ALOX5: variants seen among roughly 807,000 people sequenced by gnomAD.
ALOX5 encodes the protein polyunsaturated fatty acid 5-lipoxygenase.
In ALOX5, 64 loss-of-function variants were observed where a neutral mutation model predicts 87.9. That is an observed-to-expected ratio of 0.73 (90% CI 0.60 to 0.90). The LOEUF is 0.90. Among genes scored for constraint, ALOX5 ranks in the 40% least tolerant of loss-of-function variants. ALOX5 has a pLI of 0.00. For missense variants in ALOX5, 822 were observed against 907.5 expected, an observed-to-expected ratio of 0.91 and a Z score of 1.21; for synonymous variants, 388 against 355.1, an observed-to-expected ratio of 1.09 and a Z score of -1.04.
At chr10:45,375,240 C>T (rs892690) in intron 1 of ALOX5, among the ~76,000 whole-genome samples, 46,835 of 152,078 alleles carry the variant, frequency 0.31, 9,032 homozygotes, top group East Asian at 0.51. Context: ...TGTGAGGACG[C>T]GAGGGAGCCC....
intron 4 of ALOX5, among the ~76,000 whole-genome samples, chr10:45,412,881 T>A (rs1841121677): frequency 6.6e-6 from 1 of 152,224 alleles, no homozygotes; most frequent in African/African-American, 2.4e-5. Context: ...CATCCGAATG[T>A]CCGCAGGGCT....
In ALOX5 at chr10:45,428,679, A is replaced by G; in HGVS notation, c.896A>G (p.Asp299Gly). ...LLDGIDANKT[D>G]PCTLQFLAAP... Reference sequence around the variant, plus strand: ...GATGGCATCGATGCCAACAAAACAGACCCCTGCACACTCCAGTTCCTGGCC... The same window carrying G: ...GATGGCATCGATGCCAACAAAACAGGCCCCTGCACACTCCAGTTCCTGGCC... Residue 299 changes from aspartate to glycine, a missense_variant, in exon 7 of 14, where the codon GAC becomes GGC. Coordinates refer to ENST00000374391, the MANE Select transcript of ALOX5 (RefSeq NM_000698.5). 2.5e-6 allele frequency: 4 copies of G among 1,613,930 alleles called. No homozygotes were observed. The highest frequency in any genetic ancestry group is 3.4e-6 in the Non-Finnish European group (4 of 1,179,986).
chr10:45,440,095 C>T (rs1246097164), intron 7 of ALOX5, among the ~76,000 whole-genome samples: 1 of 152,160 alleles, frequency 6.6e-6, no homozygotes, highest in African/African-American at 2.4e-5. Context: ...GCGATCCTCC[C>T]CCTCCGCTGC....
chr10:45,415,506 C>T (rs991358876), intron 4 of ALOX5, among the ~76,000 whole-genome samples: 7 of 151,866 alleles, frequency 4.6e-5, no homozygotes, highest in African/African-American at 1.7e-4. Context: ...TGCAGCACAC[C>T]AACATGGCAC....
chr10:45,428,673 A>G lies in ALOX5; in HGVS notation c.890A>G (p.Lys297Arg). The G allele has an allele frequency of 6.2e-7, 1 of 1,614,088 alleles. No individual in the cohort carries two copies. The highest frequency in any genetic ancestry group is 1.1e-5 in the South Asian group (1 of 91,084). The change falls in exon 7 of 14, where the codon AAA becomes AGA. Residue 297 changes from lysine (K) to arginine (R), a missense_variant. Lys to Arg is a conservative substitution (Grantham distance 26). Transcript: ENST00000374391. ...CTGCTGGATGGCATCGATGCCAACA[A>G]AACAGACCCCTGCACACTCCAGTTC... is the stretch of plus-strand genomic sequence containing the variant. Reference protein sequence around the residue: ...FELLDGIDANKTDPCTLQFLA... With the variant: ...FELLDGIDANRTDPCTLQFLA...
intron 7 of ALOX5, among the ~76,000 whole-genome samples, chr10:45,431,829 C>G (rs1841911236): frequency 6.6e-6 from 1 of 152,154 alleles, no homozygotes; most frequent in African/African-American, 2.4e-5. Flanking sequence ...GCCTCAGCCT[C>G]CCAAAGTGTT....
intron 4 of ALOX5, among the ~76,000 whole-genome samples, chr10:45,420,126 A>G (rs866695035): frequency 4.6e-5 from 7 of 152,322 alleles, no homozygotes; most frequent in African/African-American, 1.7e-4. Flanking sequence ...AACTTCCCAA[A>G]TGCTACCCGA....
At chr10:45,430,428 G>GA (rs147149186) in intron 7 of ALOX5, among the ~76,000 whole-genome samples, 1,700 of 147,062 alleles carry the variant, frequency 0.012, 12 homozygotes, top group Middle Eastern at 0.017. Flanking sequence ...AAAAGAGATA[G>GA]AAAAAAAAAA....
In ALOX5 at chr10:45,395,853, A is replaced by G; in HGVS notation, c.350-2A>G. 1 of 1,614,188 alleles carries G rather than the reference A, an allele frequency of 6.2e-7. No individual in the cohort carries two copies. The highest frequency in any genetic ancestry group is 8.5e-7 in the Non-Finnish European group (1 of 1,179,984). ...TCCTCTCATGTTGTTCTTTCTTTACAGCAAAGTTGGCCCGAGATGACCAAA... is the reference window on the plus strand; with the variant it reads ...TCCTCTCATGTTGTTCTTTCTTTACGGCAAAGTTGGCCCGAGATGACCAAA... On this transcript the variant is annotated splice_acceptor_variant, in intron 2 of 13. Coordinates refer to ENST00000374391, the MANE Select transcript of ALOX5 (RefSeq NM_000698.5). LOFTEE classifies it high-confidence loss of function.
chr10:45,431,111 A>G (rs2132824602), intron 7 of ALOX5, among the ~76,000 whole-genome samples: 1 of 152,324 alleles, frequency 6.6e-6, no homozygotes, highest in Admixed American at 6.5e-5. Flanking sequence ...GATAAAGTTT[A>G]TGATTATATC....
intron 4 of ALOX5, among the ~76,000 whole-genome samples, chr10:45,419,223 G>C (rs1459303280): frequency 6.6e-6 from 1 of 152,268 alleles, no homozygotes. Flanking sequence ...TGAAGGCGCA[G>C]AGGCAGGGAG....
intron 2 of ALOX5, among the ~76,000 whole-genome samples, chr10:45,391,995 G>A (rs1006616294): frequency 1.3e-4 from 19 of 151,322 alleles, no homozygotes; most frequent in Non-Finnish European, 1.6e-4. Flanking sequence ...GGTGGGGGGC[G>A]GTCAGCCCCC....
At chr10:45,432,912 A>G (rs1374261607) in intron 7 of ALOX5, among the ~76,000 whole-genome samples, 1 of 152,238 alleles carries the variant, frequency 6.6e-6, no homozygotes, top group Non-Finnish European at 1.5e-5. Flanking sequence ...AGTGACAGCT[A>G]AGAGATGCCT....
Position 45,425,256 on chromosome 10 carries a change from C to T in ALOX5, c.834+124C>T. 8 of 1,239,616 alleles carry T rather than the reference C, an allele frequency of 6.5e-6. No homozygotes were observed. Among genetic ancestry groups the T allele is most frequent in the Non-Finnish European group, 7.7e-6 (7 of 914,014 alleles). 76.8% of individuals were successfully genotyped at this position (1,239,616 alleles called of 1,614,324 possible). A position where few individuals can be genotyped will look rare whatever the true frequency, so the allele number is the denominator to read the frequency against. On this transcript the variant is annotated intron_variant, in intron 6 of 13. Coordinates refer to ENST00000374391, the MANE Select transcript of ALOX5 (RefSeq NM_000698.5). This position sits in a 1 kb window ranked among gnomAD's most constrained non-coding sequence, Gnocchi z 4.4. ...TGCAGGCCCATCTGGCCTACAGCAG[C>T]CGCTTCCTTTTCCTGGCAGCAGTGT...
At chr10:45,443,558 C>T in intron 11 of ALOX5, 21 bp downstream of exon 11, 1 of 1,604,682 alleles carries the variant, frequency 6.2e-7, no homozygotes, top group South Asian at 1.1e-5. Context: ...CGGGACGTCT[C>T]CGGACCCGGC....
In ALOX5 at chr10:45,390,489, GTC is replaced by G. The variant is rs1158963426; in HGVS notation, c.350-5361_350-5360del. ...AAAAGAACAGAAACCATAACAAACT[GTC>G]TCTCAGACCACAGTGCAATCAAACT... On this transcript the variant is annotated intron_variant, in intron 2 of 13. Transcript: ENST00000374391. Among the ~76,000 whole-genome samples the G allele has an allele frequency of 7.2e-5, 11 of 152,286 alleles. No individual in the cohort carries two copies. In the East Asian group the frequency reaches 1.7e-3, roughly 24 times the overall value.
intron 3 of ALOX5, among the ~76,000 whole-genome samples, chr10:45,402,349 A>C (rs1461599394): frequency 6.6e-6 from 1 of 152,136 alleles, no homozygotes; most frequent in Non-Finnish European, 1.5e-5. Context: ...CATCAAAAAC[A>C]TTCCTTGAAA....
intron 9 of ALOX5, among the ~76,000 whole-genome samples, chr10:45,441,921 G>A (rs899146285): frequency 3.9e-5 from 6 of 151,942 alleles, no homozygotes; most frequent in African/African-American, 7.3e-5. Flanking sequence ...ACCCCACCTC[G>A]TTTTGAGCCC....
intron 5 of ALOX5, 40 bp downstream of exon 5, chr10:45,424,187 G>C: frequency 6.6e-7 from 1 of 1,514,450 alleles, no homozygotes; most frequent in Non-Finnish European, 9.2e-7. Context: ...GCTGGGGACA[G>C]GGGATGCTGC....
Sources: allele counts gnomAD v4.1 joint callset (sites outside exome capture counted in the v4.1 genomes callset), GRCh38; gene constraint gnomAD v4.1.1; non-coding constraint Gnocchi (gnomAD v3.1); transcripts MANE v1.5; gene names NCBI Gene and HGNC (gene_info 2026-07-23, HGNC 2026-07-21).